Variants in ATP8A1 observed in about 807,000 individuals in gnomAD.
ATP8A1 encodes the protein ATPase phospholipid transporting 8A1.
A neutral mutation model predicts 177.7 loss-of-function variants in ATP8A1; 90 were observed. The ratio of observed to expected loss-of-function variants is 0.51; its 90% CI spans 0.43 to 0.60. ATP8A1 has a LOEUF of 0.60. Among genes scored for constraint, ATP8A1 ranks in the 20% least tolerant of loss-of-function variants. The pLI is 0.00. For synonymous variants in ATP8A1, 493 were observed against 485.9 expected (o/e 1.01, Z -0.19); for missense variants, 1,072 against 1,392.8 (o/e 0.77, Z 3.67).
At chr4:42,456,113 G>C (rs138465545) in intron 27 of ATP8A1, among the ~76,000 whole-genome samples, 141 of 152,276 alleles carry the variant, frequency 9.3e-4, no homozygotes, top group South Asian at 8.3e-3. Flanking sequence ...TGCATATAGA[G>C]AGTGTCATAC....
intron 24 of ATP8A1, among the ~76,000 whole-genome samples, chr4:42,488,704 T>A (rs1296163002): frequency 6.6e-6 from 1 of 152,142 alleles, no homozygotes; most frequent in Non-Finnish European, 1.5e-5. Flanking sequence ...TTCACAATCT[T>A]GGTTTCTTTT....
At chr4:42,613,859 C>G (rs1197183701) in intron 5 of ATP8A1, among the ~76,000 whole-genome samples, 1 of 151,610 alleles carries the variant, frequency 6.6e-6, no homozygotes, top group Non-Finnish European at 1.5e-5. Flanking sequence ...GCTGGAATTA[C>G]AGGCATGAGC....
chr4:42,481,910 G>A (rs1053182191), intron 25 of ATP8A1, among the ~76,000 whole-genome samples: 1 of 152,192 alleles, frequency 6.6e-6, no homozygotes, highest in Non-Finnish European at 1.5e-5. Flanking sequence ...GTTTATAACT[G>A]GGAAAATGAA....
intron 22 of ATP8A1, among the ~76,000 whole-genome samples, chr4:42,509,303 A>G (rs1036449616): frequency 2.0e-5 from 3 of 152,232 alleles, no homozygotes; most frequent in Non-Finnish European, 2.9e-5. Context: ...TCGGCCAGAT[A>G]GTTTTACATG....
chr4:42,492,037 C>A (rs890056181), intron 24 of ATP8A1, among the ~76,000 whole-genome samples: 2 of 152,184 alleles, frequency 1.3e-5, no homozygotes, highest in Non-Finnish European at 2.9e-5. Context: ...TGCTCTGAGG[C>A]TGCAATTACT....
chr4:42,511,035 C>T (rs190462684), intron 22 of ATP8A1, among the ~76,000 whole-genome samples: 1 of 152,252 alleles, frequency 6.6e-6, no homozygotes, highest in East Asian at 1.9e-4. Flanking sequence ...AATGGGTCTA[C>T]TTTGATGCCT....
chr4:42,555,619 TTTAAGACCA>T lies in ATP8A1; in HGVS notation c.1413+340_1413+348del, dbSNP rs1347819271. Among the ~76,000 whole-genome samples the T allele has an allele frequency of 2.0e-5, 3 of 151,482 alleles. No individual in the cohort carries two copies. The East Asian group carries it at 5.8e-4, about 30-fold the overall frequency. On this transcript the variant is annotated intron_variant, in intron 16 of 36. Transcript: ENST00000381668. Reference sequence around the variant, plus strand: ...GGGGTGGATCACCTGATGTCAGGAGTTTAAGACCAGCCTGACCAACATGGCGAAACCCTG... The same window carrying T: ...GGGGTGGATCACCTGATGTCAGGAGTGCCTGACCAACATGGCGAAACCCTG...
At position 42,411,667 on chromosome 4, in the gene ATP8A1, A is replaced by C. The variant is rs1337254217; in HGVS notation, c.*1249T>G. On this transcript the variant is annotated 3_prime_UTR_variant, in exon 37 of 37. Coordinates refer to ENST00000381668, the MANE Select transcript of ATP8A1 (RefSeq NM_006095.2). ...ATACATTTTAAAACATACTAACAAA[A>C]GCTACTCATGATGAACGTGTCCTCT... 6.6e-6 allele frequency: 1 copy of C among 152,224 alleles called. No homozygotes were observed. The highest frequency in any genetic ancestry group is 2.4e-5 in the African/African-American group (1 of 41,454). 9.4% of individuals were successfully genotyped at this position (152,224 alleles called of 1,614,324 possible). A position where few individuals can be genotyped will look rare whatever the true frequency, so the allele number is the denominator to read the frequency against.
At chr4:42,500,916 A>G (rs1723793303) in intron 24 of ATP8A1, among the ~76,000 whole-genome samples, 1 of 152,218 alleles carries the variant, frequency 6.6e-6, no homozygotes, top group Non-Finnish European at 1.5e-5. Context: ...TAGAAAGCCC[A>G]GTGGAATTTC....
intron 33 of ATP8A1, among the ~76,000 whole-genome samples, chr4:42,430,576 T>C (rs565615605): frequency 4.8e-4 from 73 of 152,200 alleles, no homozygotes; most frequent in South Asian, 1.2e-3. Context: ...TGCAGATTAT[T>C]TCCTCACCCA....
intron 21 of ATP8A1, among the ~76,000 whole-genome samples, chr4:42,522,632 C>T (rs139701262): frequency 4.6e-5 from 7 of 152,296 alleles, no homozygotes; most frequent in East Asian, 1.9e-4. Context: ...CCCCAAAGCA[C>T]GGCTTATACA....
intron 31 of ATP8A1, 78 bp from the exon 32 acceptor site, chr4:42,444,712 CAG>C: frequency 7.2e-7 from 1 of 1,392,798 alleles, no homozygotes; most frequent in Non-Finnish European, 1.0e-6. Flanking sequence ...TTATAAAGAA[CAG>C]AGATCTCTGA....
intron 33 of ATP8A1, among the ~76,000 whole-genome samples, chr4:42,425,540 C>A (rs866894475): frequency 2.4e-4 from 37 of 152,002 alleles, no homozygotes; most frequent in Middle Eastern, 3.2e-3. Flanking sequence ...GACAGAGAGT[C>A]TCTTTGTATT....
chr4:42,581,830 C>A, intron 9 of ATP8A1, 98 bp from the exon 10 acceptor site: 1 of 838,148 alleles, frequency 1.2e-6, no homozygotes, highest in Non-Finnish European at 1.9e-6. Flanking sequence ...ATTAAAATAA[C>A]CCTTCTCATA....
intron 5 of ATP8A1, among the ~76,000 whole-genome samples, chr4:42,612,156 A>C (rs770792816): frequency 1.4e-4 from 21 of 152,128 alleles, no homozygotes; most frequent in Non-Finnish European, 2.5e-4. Flanking sequence ...TGACTGTGAA[A>C]GTCTGGGACA....
At chr4:42,618,999 T>C (rs1326421821) in intron 4 of ATP8A1, among the ~76,000 whole-genome samples, 1 of 152,224 alleles carries the variant, frequency 6.6e-6, no homozygotes, top group African/African-American at 2.4e-5. Context: ...CCAGGCACTA[T>C]TCTAAGGACT....
At position 42,527,725 on chromosome 4, in the gene ATP8A1, T is replaced by G. The variant is rs574070875; in HGVS notation, c.1723-2878A>C. On this transcript the variant is annotated intron_variant, in intron 20 of 36. Coordinates refer to ENST00000381668, the MANE Select transcript of ATP8A1 (RefSeq NM_006095.2). ...AAAAGGAATTGCCTGAGTTTTCAAA[T>G]TTATATAAGCAGAAAACTTCTAGGT... Among the ~76,000 whole-genome samples, 13 of 152,216 alleles carry G rather than the reference T, an allele frequency of 8.5e-5. No individual in the cohort carries two copies. The East Asian group carries it at 1.5e-3, about 18-fold the overall frequency.
In ATP8A1 at chr4:42,409,773, T is replaced by C. The variant is rs1341597110; in HGVS notation, c.*3143A>G. ...ATGACAAGTTGTAAGTGTTGTACAG[T>C]GCACGCAATGCAAAACAAATTATCA... On this transcript the variant is annotated 3_prime_UTR_variant, in exon 37 of 37. Transcript: ENST00000381668. The C allele has an allele frequency of 3.3e-5, 5 of 152,166 alleles. No individual in the cohort carries two copies. Among genetic ancestry groups the C allele is most frequent in the African/African-American group, 1.2e-4 (5 of 41,456 alleles). 9.4% of individuals were successfully genotyped at this position (152,166 alleles called of 1,614,324 possible).
At chr4:42,446,710 T>C in intron 30 of ATP8A1, 66 bp from the exon 31 acceptor site, 3 of 1,464,168 alleles carry the variant, frequency 2.0e-6, no homozygotes, top group Non-Finnish European at 2.9e-6. Flanking sequence ...TTCAAAGATA[T>C]TCAGAAAGTT....
Sources: allele counts gnomAD v4.1 joint callset (sites outside exome capture counted in the v4.1 genomes callset), GRCh38; gene constraint gnomAD v4.1.1; transcripts MANE v1.5; gene names NCBI Gene and HGNC (gene_info 2026-07-23, HGNC 2026-07-21).